The following WDR82 variants were observed in gnomAD, a reference collection of about 807,000 sequenced individuals.
WDR82 encodes WD repeat domain 82.
WDR82 carries 8 observed loss-of-function variants against 36.1 expected under a neutral mutation model. That is an observed-to-expected ratio of 0.22 (90% confidence interval 0.13 to 0.40). The LOEUF (loss-of-function observed/expected upper bound fraction) is 0.40, where lower values mean the gene tolerates loss of function less well. Ranked by LOEUF, WDR82 falls within the 10% of genes least tolerant of loss-of-function variation. The pLI is 1.00. For synonymous variants in WDR82, 129 were observed against 137.8 expected (o/e 0.94, Z 0.45); for missense variants, 185 against 400.5 (o/e 0.46, Z 4.59).
intron 1 of WDR82, among the ~76,000 whole-genome samples, chr3:52,275,424 G>A (rs1044456451): frequency 6.6e-6 from 1 of 152,166 alleles, no homozygotes; most frequent in Non-Finnish European, 1.5e-5. Flanking sequence ...CTAGTACCCA[G>A]TTCCCTCCTA....
At chr3:52,264,337 G>GA (rs1176714605) in intron 3 of WDR82, among the ~76,000 whole-genome samples, 5 of 152,116 alleles carry the variant, frequency 3.3e-5, no homozygotes, top group African/African-American at 1.2e-4. Context: ...AACAGAGGCT[G>GA]AAAACTACAA....
At chr3:52,257,753 A>AC (rs991041831) in intron 8 of WDR82, among the ~76,000 whole-genome samples, 2 of 150,322 alleles carry the variant, frequency 1.3e-5, no homozygotes, top group African/African-American at 4.9e-5. Context: ...ACCAAAGCAG[A>AC]CCCCCCGCCC....
At position 52,259,926 on chromosome 3, in the gene WDR82, G is replaced by A; in HGVS notation, c.544-54C>T. 1.9e-6 allele frequency: 3 copies of A among 1,562,868 alleles called. No homozygotes were observed. In the East Asian group the frequency reaches 6.8e-5, roughly 35 times the overall value. Reference sequence around the variant, plus strand: ...GGCATATTAATAATTTCTTCTGCTAGAGCCAATTCCCATCCTATTCCTTTA... The same window carrying A: ...GGCATATTAATAATTTCTTCTGCTAAAGCCAATTCCCATCCTATTCCTTTA... On this transcript the variant is annotated intron_variant, in intron 5 of 8. Transcript: ENST00000296490.
Position 52,267,015 on chromosome 3 carries a change from G to T in WDR82, c.263C>A (p.Thr88Asn). The change falls in exon 3 of 9, where the codon ACT becomes AAT. Residue 88 changes from threonine (T) to asparagine (N), a missense_variant. Thr to Asn is a moderately conservative substitution (Grantham distance 65, BLOSUM62 0). This residue lies in a region of WDR82 where 26 missense variants were observed against 107.4 expected (regional missense o/e 0.24). Transcript: ENST00000296490. ...GTCATGCAAGGACAAGTAACGAATA[G>T]TATCTGTAAAAAGACAAACAAGGTA... The part of the protein sequence containing the change: ...VVYSSNKIDD[T>N]IRYLSLHDNK... 1 of 1,608,386 alleles carries T rather than the reference G, an allele frequency of 6.2e-7. No homozygotes were observed. Among genetic ancestry groups the T allele is most frequent in the Non-Finnish European group, 8.5e-7 (1 of 1,176,140 alleles).
At chr3:52,267,556 C>A (rs1343971619) in intron 2 of WDR82, 2 of 152,584 alleles carry the variant, frequency 1.3e-5, no homozygotes, top group African/African-American at 4.8e-5. Context: ...TTCAATTGGA[C>A]ACACAAATTA....
chr3:52,261,530 TGGATGTGAATTCTAAACC>T, intron 3 of WDR82, 51 bp from the exon 4 acceptor site: 5 of 1,536,680 alleles, frequency 3.3e-6, no homozygotes, highest in Non-Finnish European at 4.5e-6. Flanking sequence ...TAGCAAAAAT[TGGATGTGAATTCTAAACC>T]ACTCTGCCTA....
At chr3:52,263,596 G>A (rs1335092485) in intron 3 of WDR82, among the ~76,000 whole-genome samples, 1 of 152,238 alleles carries the variant, frequency 6.6e-6, no homozygotes, top group East Asian at 1.9e-4. Context: ...AGCCAGGGCA[G>A]AAGCAAAGGA....
At chr3:52,259,011 G>A (rs1005033665) in intron 7 of WDR82, among the ~76,000 whole-genome samples, 186 bp downstream of exon 7, 2 of 152,228 alleles carry the variant, frequency 1.3e-5, no homozygotes, top group Non-Finnish European at 2.9e-5. Context: ...GGTAGTGCTT[G>A]TGGAGTTTAA....
chr3:52,266,582 T>G (rs551689716), intron 3 of WDR82, among the ~76,000 whole-genome samples: 3 of 152,158 alleles, frequency 2.0e-5, no homozygotes, highest in African/African-American at 7.2e-5. Flanking sequence ...GGATTGCAGG[T>G]GTCCACCACC....
At chr3:52,266,032 A>T (rs1042795985) in intron 3 of WDR82, among the ~76,000 whole-genome samples, 7 of 152,232 alleles carry the variant, frequency 4.6e-5, no homozygotes, top group African/African-American at 1.7e-4. Flanking sequence ...CGTGTTTAAC[A>T]TTCAAAGAAA....
chr3:52,263,047 G>C (rs1415537676), intron 3 of WDR82, among the ~76,000 whole-genome samples: 1 of 151,330 alleles, frequency 6.6e-6, no homozygotes, highest in Non-Finnish European at 1.5e-5. Context: ...AGAATCGCTT[G>C]AACCCCAGAG....
chr3:52,270,705 T>G lies in WDR82; in HGVS notation c.259+7A>C, dbSNP rs1233893561. ...ATGACCTTAACTTCCTAAAAAGGCTTGCTTACCGTCTATTTTGTTAGAGCT... is the reference window on the plus strand; with the variant it reads ...ATGACCTTAACTTCCTAAAAAGGCTGGCTTACCGTCTATTTTGTTAGAGCT... On this transcript the variant is annotated splice_region_variant and intron_variant, in intron 2 of 8. Transcript: ENST00000296490. 1.2e-6 allele frequency: 2 copies of G among 1,605,608 alleles called. No individual in the cohort carries two copies.
intron 1 of WDR82, among the ~76,000 whole-genome samples, chr3:52,274,373 G>A (rs527876542): frequency 2.6e-5 from 4 of 151,992 alleles, no homozygotes; most frequent in Non-Finnish European, 5.9e-5. Context: ...TTTGAGACCA[G>A]CCTGGGCAAC....
At chr3:52,263,261 C>T (rs982048193) in intron 3 of WDR82, among the ~76,000 whole-genome samples, 3 of 152,102 alleles carry the variant, frequency 2.0e-5, no homozygotes, top group Admixed American at 1.3e-4. Flanking sequence ...AGACCCCGAC[C>T]GTAAGGAATT....
intron 1 of WDR82, among the ~76,000 whole-genome samples, chr3:52,275,174 T>C (rs2107343886): frequency 6.6e-6 from 1 of 152,238 alleles, no homozygotes; most frequent in South Asian, 2.1e-4. Flanking sequence ...TGAGCCGAGA[T>C]GGAGCCACTG....
At position 52,258,596 on chromosome 3, in the gene WDR82, C is replaced by T. The variant is rs562861431; in HGVS notation, c.852G>A (p.Pro284=). 6.8e-6 allele frequency: 11 copies of T among 1,614,142 alleles called. No individual in the cohort carries two copies. Among genetic ancestry groups the T allele is most frequent in the South Asian group, 3.3e-5 (3 of 91,076 alleles). Residue 284 remains proline (P), a synonymous_variant, in exon 8 of 9, where the codon CCG becomes CCA. Coordinates refer to ENST00000296490, the MANE Select transcript of WDR82 (RefSeq NM_025222.4). ...VAVLDGKHTG[P]ITCLQFNPKF... Reference sequence around the variant, plus strand: ...TGGGGTTGAATTGCAAACAGGTAATCGGGCCTGTGTGTTTACCATCCAACA... The same window carrying T: ...TGGGGTTGAATTGCAAACAGGTAATTGGGCCTGTGTGTTTACCATCCAACA...
intron 1 of WDR82, among the ~76,000 whole-genome samples, chr3:52,273,393 T>C (rs1199365046): frequency 2.0e-5 from 3 of 151,736 alleles, no homozygotes; most frequent in South Asian, 2.1e-4. Flanking sequence ...ATCGCGCCAT[T>C]GTACTCCGAC....
In WDR82 at chr3:52,278,550, G is replaced by C; in HGVS notation, c.-189C>G. ...TCGAGGGTCTTCTGCCTGGACTGTG[G>C]AGCCTCGCCGACCGTTCGTCCTCAC... On this transcript the variant is annotated 5_prime_UTR_variant, in exon 1 of 9. Transcript: ENST00000296490. 4.4e-6 allele frequency: 2 copies of C among 458,150 alleles called. No homozygotes were observed. The highest frequency in any genetic ancestry group is 7.1e-6 in the Non-Finnish European group (2 of 281,012). The allele number at this position is 458,150 out of a possible 1,614,324, so 28.4% of individuals were successfully genotyped here.
chr3:52,274,419 G>C (rs1016377813), intron 1 of WDR82, among the ~76,000 whole-genome samples: 5 of 152,052 alleles, frequency 3.3e-5, no homozygotes, highest in African/African-American at 1.2e-4. Context: ...AATAAAAATA[G>C]CCAAGTAAGT....
Sources: gnomAD v4.1 joint callset for allele counts (sites outside exome capture counted in the v4.1 genomes callset) on GRCh38, gnomAD v4.1.1 for gene constraint, gnomAD v4.1.1 regional missense constraint, MANE v1.5 for transcripts, NCBI Gene and HGNC (gene_info 2026-07-23, HGNC 2026-07-21) for gene names.